Variants in DNAH6 observed in about 807,000 individuals in gnomAD.
The protein encoded by DNAH6 is dynein axonemal heavy chain 6.
Under a neutral mutation model 491.4 loss-of-function variants are expected in DNAH6, and 340 were observed. The ratio of observed to expected loss-of-function variants is 0.69; its 90% CI spans 0.63 to 0.76. DNAH6 has a LOEUF of 0.76. DNAH6 is among the 30% of genes least tolerant of loss of function. The pLI is 0.00. For missense variants in DNAH6, 4,443 were observed against 4,972.2 expected (o/e 0.89, Z 3.20); for synonymous variants, 1,603 against 1,686.1 (o/e 0.95, Z 1.21).
chr2:84,559,718 A>G (rs997057065), intron 11 of DNAH6, among the ~76,000 whole-genome samples: 3 of 152,236 alleles, frequency 2.0e-5, no homozygotes, highest in Non-Finnish European at 4.4e-5. Context: ...ACTACATGCA[A>G]GTCTACTAAC....
At chr2:84,640,660 A>G (rs1300154929) in intron 32 of DNAH6, 82 bp downstream of exon 32, 6 of 1,318,166 alleles carry the variant, frequency 4.6e-6, no homozygotes, top group Non-Finnish European at 6.2e-6. Context: ...AAAGGCTCTC[A>G]GAGAGTAACT....
intron 59 of DNAH6, among the ~76,000 whole-genome samples, chr2:84,721,978 A>G (rs757592752): frequency 8.9e-4 from 135 of 152,346 alleles, no homozygotes; most frequent in Non-Finnish European, 1.5e-3. Flanking sequence ...AGAGAAGGGA[A>G]TCTTGGAAGG....
chr2:84,665,802 A>G (rs1170367296), intron 37 of DNAH6, among the ~76,000 whole-genome samples: 1 of 152,172 alleles, frequency 6.6e-6, no homozygotes, highest in Admixed American at 6.5e-5. Context: ...ACACAAAAAA[A>G]GAGAATTTTA....
intron 5 of DNAH6, among the ~76,000 whole-genome samples, chr2:84,546,109 A>C (rs1045965429): frequency 2.6e-5 from 4 of 152,094 alleles, no homozygotes; most frequent in Admixed American, 6.6e-5. Flanking sequence ...ACTATAGGCA[A>C]CCACTAATCT....
At chr2:84,533,208 A>C (rs2104467843) in intron 4 of DNAH6, among the ~76,000 whole-genome samples, 1 of 152,258 alleles carries the variant, frequency 6.6e-6, no homozygotes, top group African/African-American at 2.4e-5. Context: ...TTTTTGACTT[A>C]GCATTGACAG....
chr2:84,627,533 T>C (rs1687994711), intron 29 of DNAH6, among the ~76,000 whole-genome samples: 1 of 152,204 alleles, frequency 6.6e-6, no homozygotes, highest in African/African-American at 2.4e-5. Flanking sequence ...TTAATACATT[T>C]TGGAGGTTTA....
At chr2:84,811,705 A>G (rs1010116691) in intron 72 of DNAH6, among the ~76,000 whole-genome samples, 4 of 152,142 alleles carry the variant, frequency 2.6e-5, no homozygotes, top group African/African-American at 9.7e-5. Flanking sequence ...TACTAAAAAT[A>G]CAAAAATTAT....
chr2:84,528,872 A>ATTT lies in DNAH6; in HGVS notation c.400-23_400-21dup, dbSNP rs67469465. On this transcript the variant is annotated intron_variant, in intron 3 of 76. Transcript: ENST00000389394. The stretch of plus-strand genomic sequence containing the variant: ...CTTGTGTGTATGTGTGCAAAGACTC[A>ATTT]TTTTTTTTTTTCAAAAATTGGCTTT... The ATTT allele has an allele frequency of 0.045, 58,432 of 1,304,062 alleles. 244 individuals are homozygous for ATTT. The highest frequency in any genetic ancestry group is 0.075 in the Middle Eastern group (379 of 5,048). The allele number at this position is 1,304,062 out of a possible 1,614,324, so 80.8% of individuals were successfully genotyped here. A position where few individuals can be genotyped will look rare whatever the true frequency, so the allele number is the denominator to read the frequency against.
At chr2:84,675,667 ATT>A (rs1192002916) in intron 40 of DNAH6, among the ~76,000 whole-genome samples, 1 of 152,018 alleles carries the variant, frequency 6.6e-6, no homozygotes, top group Non-Finnish European at 1.5e-5. Flanking sequence ...ATTTTGTTTT[ATT>A]TTATTTTGAG....
At chr2:84,654,574 A>G in intron 34 of DNAH6, 86 bp from the exon 35 acceptor site, 1 of 1,495,566 alleles carries the variant, frequency 6.7e-7, no homozygotes, top group South Asian at 1.3e-5. Flanking sequence ...AAAAGTGTGA[A>G]TCATTTTATA....
intron 5 of DNAH6, among the ~76,000 whole-genome samples, 153 bp from the exon 6 acceptor site, chr2:84,547,114 AG>A (rs1303448255): frequency 6.6e-6 from 1 of 152,228 alleles, no homozygotes; most frequent in Non-Finnish European, 1.5e-5. Flanking sequence ...GAGTTATAAA[AG>A]TGATCTTTTA....
the DNAH6 span, among the ~76,000 whole-genome samples, chr2:84,493,959 G>A: frequency 3.3e-5 from 5 of 152,322 alleles, no homozygotes; most frequent in Admixed American, 2.0e-4. Flanking sequence ...GGTCAAGCAC[G>A]AGGAACTAAG....
chr2:84,619,438 A>G (rs1271856392), intron 23 of DNAH6, among the ~76,000 whole-genome samples: 5 of 152,158 alleles, frequency 3.3e-5, no homozygotes, highest in African/African-American at 1.2e-4. Context: ...TATGAACAAT[A>G]TCTATCTTTT....
intron 12 of DNAH6, among the ~76,000 whole-genome samples, chr2:84,574,402 C>T (rs1682222785): frequency 6.6e-6 from 1 of 152,182 alleles, no homozygotes; most frequent in East Asian, 1.9e-4. Flanking sequence ...GTATCATCCT[C>T]CACCGAAATA....
chr2:84,594,608 A>G lies in DNAH6; in HGVS notation c.2724+523A>G, dbSNP rs185916991. Among the ~76,000 whole-genome samples the G allele has an allele frequency of 1.4e-3, 210 of 152,304 alleles. 1 individual carries two copies. Among genetic ancestry groups the G allele is most frequent in the African/African-American group, 4.8e-3 (199 of 41,566 alleles). ...GTTTCTAGGATCTACCCTATATTCAATCCTTAACAAAGGTCAACTCTCTAC... is the reference window on the plus strand; with the variant it reads ...GTTTCTAGGATCTACCCTATATTCAGTCCTTAACAAAGGTCAACTCTCTAC... On this transcript the variant is annotated intron_variant, in intron 17 of 76. Transcript: ENST00000389394.
At chr2:84,601,248 A>G (rs1685218653) in intron 18 of DNAH6, among the ~76,000 whole-genome samples, 1 of 147,872 alleles carries the variant, frequency 6.8e-6, no homozygotes, top group South Asian at 2.2e-4. Context: ...GCAAAAAAAA[A>G]TGTAGTATTG....
chr2:84,637,058 A>C (rs944916288), intron 30 of DNAH6, among the ~76,000 whole-genome samples, 152 bp from the exon 31 acceptor site: 1 of 152,218 alleles, frequency 6.6e-6, no homozygotes, highest in African/African-American at 2.4e-5. Context: ...TAGACAGGAC[A>C]GAATCAGAAA....
In DNAH6 at chr2:84,815,793, A is replaced by G. The variant is rs528745303; in HGVS notation, c.12151-68A>G. The stretch of plus-strand genomic sequence containing the variant: ...ATTACCTGGTGAGGATGTGGGACAT[A>G]GGAAGTGGCTCACACCTGCTGATCC... On this transcript the variant is annotated intron_variant, in intron 75 of 76. Transcript: ENST00000389394. 217 of 1,098,566 alleles carry G rather than the reference A, an allele frequency of 2.0e-4. 5 individuals carry two copies. In the South Asian group the frequency reaches 3.2e-3, roughly 16 times the overall value. 68.1% of individuals were successfully genotyped at this position (1,098,566 alleles called of 1,614,324 possible).
chr2:84,803,930 G>A (rs1416222870), intron 70 of DNAH6, among the ~76,000 whole-genome samples: 1 of 152,036 alleles, frequency 6.6e-6, no homozygotes, highest in Non-Finnish European at 1.5e-5. Flanking sequence ...AGATCAGCTG[G>A]GCACAGTGGT....
Sources: gnomAD v4.1 joint callset for allele counts (sites outside exome capture counted in the v4.1 genomes callset) on GRCh38, gnomAD v4.1.1 for gene constraint, MANE v1.5 for transcripts, NCBI Gene and HGNC (gene_info 2026-07-23, HGNC 2026-07-21) for gene names.